Variants in MET observed in about 807,000 individuals in gnomAD.
The protein encoded by MET is MET proto-oncogene, receptor tyrosine kinase.
In MET, 48 loss-of-function variants were observed where a neutral mutation model predicts 133.1. The observed-to-expected ratio is 0.36, with a 90% CI of 0.29 to 0.46. The LOEUF (loss-of-function observed/expected upper bound fraction) is 0.46. MET is among the 20% of genes least tolerant of loss of function. MET has a pLI of 1.00. For synonymous variants in MET, 628 were observed against 616.5 expected (o/e 1.02, Z -0.28); for missense variants, 1,442 against 1,695.9 (o/e 0.85, Z 2.63).
At chr7:116,697,925 A>G (rs369381534) in intron 1 of MET, among the ~76,000 whole-genome samples, 43 of 152,320 alleles carry the variant, frequency 2.8e-4, no homozygotes, top group African/African-American at 9.9e-4. Flanking sequence ...GGCAGGGGCT[A>G]TGTCCCATTT....
intron 1 of MET, among the ~76,000 whole-genome samples, chr7:116,688,827 T>C (rs1004208029): frequency 3.3e-5 from 5 of 152,270 alleles, no homozygotes; most frequent in African/African-American, 1.2e-4. Context: ...CAGGCAGCCA[T>C]TTTCAACTTT....
At chr7:116,789,204 C>T (rs1416430988) in intron 19 of MET, among the ~76,000 whole-genome samples, 1 of 152,112 alleles carries the variant, frequency 6.6e-6, no homozygotes, top group Non-Finnish European at 1.5e-5. Context: ...TGTCTTCCTT[C>T]TCTCAGATGT....
At chr7:116,679,578 G>T (rs565520032) in intron 1 of MET, among the ~76,000 whole-genome samples, 1 of 152,128 alleles carries the variant, frequency 6.6e-6, no homozygotes, top group African/African-American at 2.4e-5. Context: ...AGGGCAGGTC[G>T]CTTGTATGTA....
chr7:116,794,336 G>A (rs1795606873), intron 19 of MET, among the ~76,000 whole-genome samples: 1 of 152,184 alleles, frequency 6.6e-6, no homozygotes. Flanking sequence ...TGTCAGAAGT[G>A]ATTGTTGATT....
At chr7:116,749,710 CCAT>C (rs1793840245) in intron 5 of MET, among the ~76,000 whole-genome samples, 1 of 152,120 alleles carries the variant, frequency 6.6e-6, no homozygotes, top group Non-Finnish European at 1.5e-5. Context: ...TTAGAAAACC[CCAT>C]CGTCTCAGCC....
At chr7:116,708,573 A>G (rs1414517251) in intron 2 of MET, among the ~76,000 whole-genome samples, 1 of 152,184 alleles carries the variant, frequency 6.6e-6, no homozygotes, top group Non-Finnish European at 1.5e-5. Context: ...TGATTTCTAA[A>G]TGAATTAAGT....
chr7:116,791,329 A>C (rs995858972), intron 19 of MET, among the ~76,000 whole-genome samples: 1 of 152,140 alleles, frequency 6.6e-6, no homozygotes, highest in Non-Finnish European at 1.5e-5. Flanking sequence ...GATCCATAAG[A>C]GTTCCAGTTG....
chr7:116,781,718 C>T (rs771382902), intron 17 of MET, among the ~76,000 whole-genome samples: 42 of 151,604 alleles, frequency 2.8e-4, no homozygotes, highest in Middle Eastern at 3.3e-3. Context: ...TAGGTGCACA[C>T]CACCACACCA....
intron 1 of MET, among the ~76,000 whole-genome samples, chr7:116,684,362 C>G (rs1189093834): frequency 1.3e-5 from 2 of 152,192 alleles, no homozygotes; most frequent in African/African-American, 4.8e-5. Context: ...TAAATGCTTA[C>G]TAAGTGCCAT....
intron 2 of MET, among the ~76,000 whole-genome samples, chr7:116,711,955 C>T (rs975416857): frequency 6.6e-6 from 1 of 152,154 alleles, no homozygotes; most frequent in Non-Finnish European, 1.5e-5. Context: ...AAATATCCCA[C>T]TGAGCCAGTT....
chr7:116,711,912 C>T (rs1241366172), intron 2 of MET, among the ~76,000 whole-genome samples: 1 of 152,140 alleles, frequency 6.6e-6, no homozygotes, highest in Non-Finnish European at 1.5e-5. Context: ...GCAGAAGCCC[C>T]TAATTTGTAG....
rs925800078 is a variant in MET, at chr7:116,700,343, A to T, written c.1200+59A>T. On this transcript the variant is annotated intron_variant, in intron 2 of 20. Transcript: ENST00000397752. Reference sequence around the variant, plus strand: ...GAGGTATAAATTAGAAATAAGTATCAGTCTCAAAAAGAATATCCAGGGCTT... The same window carrying T: ...GAGGTATAAATTAGAAATAAGTATCTGTCTCAAAAAGAATATCCAGGGCTT... The T allele has an allele frequency of 4.5e-6, 7 of 1,548,100 alleles. No individual in the cohort carries two copies. The African/African-American group carries it at 9.6e-5, about 21-fold the overall frequency.
In MET at chr7:116,761,224, A is replaced by G. The variant is rs1794388729; in HGVS notation, c.2364+1734A>G. On this transcript the variant is annotated intron_variant, in intron 10 of 20. Coordinates refer to ENST00000397752, the MANE Select transcript of MET (RefSeq NM_000245.4). The stretch of plus-strand genomic sequence containing the variant: ...AGGATGATTCAAACAATGGTAGACG[A>G]TAAAAATCTTATTTGTTTATATATC... 3.9e-5 allele frequency among the ~76,000 whole-genome samples: 6 copies of G among 152,322 alleles called. No homozygotes were observed. The South Asian group carries it at 1.0e-3, about 26-fold the overall frequency.
rs565840108 is a variant in MET, at chr7:116,766,894, T to C, written c.2584-2751T>C. 1.1e-4 allele frequency among the ~76,000 whole-genome samples: 17 copies of C among 152,280 alleles called. No individual in the cohort carries two copies. In the East Asian group the frequency reaches 3.3e-3, roughly 29 times the overall value. On this transcript the variant is annotated intron_variant, in intron 11 of 20. Transcript: ENST00000397752. ...TTTGGTTTGCCCAGCTTTTCCCAAA[T>C]GGCCAGGGAAGTTTTCCCCAAAATG... is the stretch of plus-strand genomic sequence containing the variant.
chr7:116,784,389 A>C (rs925008196), intron 19 of MET, among the ~76,000 whole-genome samples: 1 of 152,338 alleles, frequency 6.6e-6, no homozygotes, highest in East Asian at 1.9e-4. Context: ...CTATAAAGAA[A>C]TACTGAGCCT....
At chr7:116,684,884 A>G (rs1212264775) in intron 1 of MET, among the ~76,000 whole-genome samples, 1 of 152,178 alleles carries the variant, frequency 6.6e-6, no homozygotes, top group African/African-American at 2.4e-5. Context: ...TAGGGGGCAG[A>G]TGATCAGGGT....
intron 1 of MET, among the ~76,000 whole-genome samples, chr7:116,684,628 A>G (rs1207180536): frequency 2.0e-5 from 3 of 152,212 alleles, no homozygotes; most frequent in South Asian, 4.1e-4. Context: ...AAGAATATCC[A>G]TAAAGAGGGA....
At chr7:116,719,523 G>A (rs1792392205) in intron 2 of MET, among the ~76,000 whole-genome samples, 2 of 152,110 alleles carry the variant, frequency 1.3e-5, no homozygotes, top group African/African-American at 4.8e-5. Flanking sequence ...TTTGGCTTTT[G>A]TTGCCATTGC....
chr7:116,707,439 G>C (rs891588063), intron 2 of MET, among the ~76,000 whole-genome samples: 1 of 152,054 alleles, frequency 6.6e-6, no homozygotes, highest in Admixed American at 6.6e-5. Flanking sequence ...ATTAAGGTTA[G>C]TTTTGATTTG....
Sources: gnomAD v4.1 joint callset for allele counts (sites outside exome capture counted in the v4.1 genomes callset) on GRCh38, gnomAD v4.1.1 for gene constraint, MANE v1.5 for transcripts, NCBI Gene and HGNC (gene_info 2026-07-23, HGNC 2026-07-21) for gene names.